The following KCNIP4 variants were observed in gnomAD, a reference collection of about 807,000 sequenced individuals.
KCNIP4 encodes the protein Kv channel-interacting protein 4.
Under a neutral mutation model 34.0 loss-of-function variants are expected in KCNIP4, and 12 were observed. That is an observed-to-expected ratio of 0.35 (90% CI 0.23 to 0.57). The LOEUF is 0.57. Among genes scored for constraint, KCNIP4 ranks in the 20% least tolerant of loss-of-function variants. The pLI is 0.83. For synonymous variants in KCNIP4, 124 were observed against 102.2 expected (o/e 1.21, Z -1.29); for missense variants, 238 against 311.7 (o/e 0.76, Z 1.78).
At chr4:21,726,304 A>G (rs535575946) in intron 1 of KCNIP4, among the ~76,000 whole-genome samples, 3 of 152,260 alleles carry the variant, frequency 2.0e-5, no homozygotes, top group Admixed American at 2.0e-4. Context: ...CAGCTCCAAC[A>G]GCCTTTACAG....
intron 1 of KCNIP4, among the ~76,000 whole-genome samples, chr4:21,470,634 A>G (rs1053201102): frequency 2.6e-5 from 4 of 152,118 alleles, no homozygotes; most frequent in East Asian, 1.9e-4. Context: ...GGGAGCTGGC[A>G]GGAGAGATGA....
At chr4:21,411,736 G>A (rs953702842) in intron 1 of KCNIP4, among the ~76,000 whole-genome samples, 1 of 152,092 alleles carries the variant, frequency 6.6e-6, no homozygotes, top group Non-Finnish European at 1.5e-5. Context: ...TACTTGGGGG[G>A]CCAAAGTGGG....
intron 1 of KCNIP4, among the ~76,000 whole-genome samples, chr4:21,283,614 G>C (rs1368652300): frequency 3.1e-5 from 4 of 131,088 alleles, no homozygotes; most frequent in African/African-American, 1.2e-4. Flanking sequence ...AATACTTATT[G>C]AATCTATATA....
At chr4:21,337,374 A>G (rs1716280998) in intron 1 of KCNIP4, among the ~76,000 whole-genome samples, 1 of 152,154 alleles carries the variant, frequency 6.6e-6, no homozygotes, top group Admixed American at 6.5e-5. Flanking sequence ...TCTGAGGCCA[A>G]TAGGCTGATT....
intron 1 of KCNIP4, among the ~76,000 whole-genome samples, chr4:20,922,445 A>C (rs1246616511): frequency 6.6e-6 from 1 of 152,062 alleles, no homozygotes; most frequent in Non-Finnish European, 1.5e-5. Flanking sequence ...GAGTGATTAC[A>C]CTACTGGCTA....
At chr4:21,463,773 T>C (rs1443037033) in intron 1 of KCNIP4, among the ~76,000 whole-genome samples, 1 of 152,088 alleles carries the variant, frequency 6.6e-6, no homozygotes, top group Non-Finnish European at 1.5e-5. Context: ...AAAGAGTTTG[T>C]AAAGAATTAT....
chr4:21,536,558 C>T (rs961498206), intron 1 of KCNIP4, among the ~76,000 whole-genome samples: 3 of 152,078 alleles, frequency 2.0e-5, no homozygotes, highest in African/African-American at 4.8e-5. Flanking sequence ...GCAGGCAGAT[C>T]GCTTGAGGCC....
intron 1 of KCNIP4, among the ~76,000 whole-genome samples, chr4:21,664,389 C>A (rs545365800): frequency 1.3e-5 from 2 of 150,258 alleles, no homozygotes; most frequent in Admixed American, 6.7e-5. Flanking sequence ...CAAACACTCT[C>A]CCTAACCTAC....
intron 1 of KCNIP4, among the ~76,000 whole-genome samples, chr4:21,866,563 G>A (rs1364995771): frequency 2.0e-5 from 3 of 152,204 alleles, no homozygotes; most frequent in East Asian, 1.9e-4. Flanking sequence ...GAATGGTCAC[G>A]TGCATAATGC....
At position 21,591,247 on chromosome 4, in the gene KCNIP4, C is replaced by T. The variant is rs191134818; in HGVS notation, c.61+357324G>A. On this transcript the variant is annotated intron_variant, in intron 1 of 8. Transcript: ENST00000382152. ...CATTTTACTTCTGTATTAGGAAAACCTTCTGCCAGTATGAGGTCAAAAAAG... is the reference window on the plus strand; with the variant it reads ...CATTTTACTTCTGTATTAGGAAAACTTTCTGCCAGTATGAGGTCAAAAAAG... Among the ~76,000 whole-genome samples, 1,428 of 151,960 alleles carry T rather than the reference C, an allele frequency of 9.4e-3. 14 individuals carry two copies. Among genetic ancestry groups the T allele is most frequent in the Middle Eastern group, 0.034 (10 of 294 alleles).
At chr4:21,141,687 G>A (rs769190061) in intron 1 of KCNIP4, among the ~76,000 whole-genome samples, 3 of 152,084 alleles carry the variant, frequency 2.0e-5, no homozygotes, top group Non-Finnish European at 4.4e-5. Context: ...ATCTTTTATT[G>A]AAATGTACAC....
At chr4:21,739,876 T>C (rs1247370481) in intron 1 of KCNIP4, among the ~76,000 whole-genome samples, 4 of 152,118 alleles carry the variant, frequency 2.6e-5, no homozygotes, top group Non-Finnish European at 5.9e-5. Context: ...AACAAAAGTA[T>C]CCAATGGTTG....
chr4:20,848,494 A>AT (rs1720641846), intron 3 of KCNIP4, among the ~76,000 whole-genome samples: 1 of 146,768 alleles, frequency 6.8e-6, no homozygotes, highest in Non-Finnish European at 1.5e-5. Context: ...CAACAAAAAA[A>AT]AACATAAAAT....
intron 1 of KCNIP4, among the ~76,000 whole-genome samples, chr4:21,498,564 G>A (rs539346163): frequency 6.6e-6 from 1 of 152,364 alleles, no homozygotes; most frequent in African/African-American, 2.4e-5. Flanking sequence ...ACAAGGTCAT[G>A]AGCAGTCCTT....
chr4:21,539,624 T>G (rs1737503422), intron 1 of KCNIP4, among the ~76,000 whole-genome samples: 1 of 152,162 alleles, frequency 6.6e-6, no homozygotes, highest in Non-Finnish European at 1.5e-5. Context: ...TGAGCTGACA[T>G]TTACTGAGTT....
At chr4:20,955,019 T>A (rs1733148657) in intron 1 of KCNIP4, among the ~76,000 whole-genome samples, 1 of 152,142 alleles carries the variant, frequency 6.6e-6, no homozygotes, top group Non-Finnish European at 1.5e-5. Flanking sequence ...CCACTTGAAT[T>A]TGGCATGGAG....
chr4:21,074,098 C>G (rs1484018644), intron 1 of KCNIP4, among the ~76,000 whole-genome samples: 1 of 152,024 alleles, frequency 6.6e-6, no homozygotes, highest in Non-Finnish European at 1.5e-5. Context: ...CTAAAATTCT[C>G]TTTTTTTGTT....
intron 1 of KCNIP4, among the ~76,000 whole-genome samples, chr4:21,403,687 T>C (rs1477994966): frequency 6.6e-6 from 1 of 152,188 alleles, no homozygotes; most frequent in African/African-American, 2.4e-5. Context: ...TTATAAATAA[T>C]AGACAATTAT....
At chr4:20,852,091 G>A (rs1721096066) in intron 2 of KCNIP4, among the ~76,000 whole-genome samples, 1 of 152,016 alleles carries the variant, frequency 6.6e-6, no homozygotes, top group Non-Finnish European at 1.5e-5. Context: ...AAAGATATAA[G>A]GAGATAGAGA....
Sources: allele counts gnomAD v4.1 joint callset (sites outside exome capture counted in the v4.1 genomes callset), GRCh38; gene constraint gnomAD v4.1.1; transcripts MANE v1.5; gene names NCBI Gene and HGNC (gene_info 2026-07-23, HGNC 2026-07-21).